AFF3: variants seen among roughly 807,000 people sequenced by gnomAD.
AFF3 encodes the protein AF4/FMR2 family member 3.
Under a neutral mutation model 129.7 loss-of-function variants are expected in AFF3, and 32 were observed. The ratio of observed to expected loss-of-function variants is 0.25; its 90% confidence interval spans 0.19 to 0.33. The LOEUF is 0.33. Ranked by LOEUF, AFF3 falls within the 10% of genes least tolerant of loss-of-function variation. AFF3 has a pLI of 1.00. For missense variants in AFF3, 1,373 were observed against 1,592.0 expected (o/e 0.86, Z 2.34); for synonymous variants, 644 against 635.4 (o/e 1.01, Z -0.20).
intron 4 of AFF3, among the ~76,000 whole-genome samples, chr2:100,071,382 T>C (rs995824976): frequency 1.7e-4 from 26 of 152,336 alleles, no homozygotes; most frequent in African/African-American, 6.3e-4. Flanking sequence ...GAGCTTTTTA[T>C]GTGAATAGCA....
chr2:99,808,558 C>A (rs1686535076), intron 8 of AFF3, among the ~76,000 whole-genome samples: 1 of 152,124 alleles, frequency 6.6e-6, no homozygotes, highest in African/African-American at 2.4e-5. Context: ...CTGCCCCTCC[C>A]CCTCCTCTGA....
chr2:100,007,311 G>A lies in AFF3; in HGVS notation c.324C>T (p.Ile108=), dbSNP rs141695864. 1.5e-3 allele frequency: 2,468 copies of A among 1,614,068 alleles called. 6 individuals are homozygous for A. Among genetic ancestry groups the A allele is most frequent in the Non-Finnish European group, 1.9e-3 (2,248 of 1,180,014 alleles). ...TTGAATCTGCAACAAAATGTTCATC[G>A]ATCTTGTTCACAGGAGTCTGAGGAA... The part of the protein sequence containing the change: ...PGVPQTPVNK[I]DEHFVADSRA... Residue 108 remains isoleucine, a synonymous_variant, in exon 6 of 25, where the codon ATC becomes ATT. Coordinates refer to ENST00000672756, the MANE Select transcript of AFF3 (RefSeq NM_001386135.1).
At chr2:99,784,132 G>C (rs1021219640) in intron 8 of AFF3, among the ~76,000 whole-genome samples, 2 of 152,192 alleles carry the variant, frequency 1.3e-5, no homozygotes, top group African/African-American at 2.4e-5. Context: ...TGATTAGCAG[G>C]GGGGTTAAGA....
intron 8 of AFF3, among the ~76,000 whole-genome samples, chr2:99,815,145 C>CA (rs34586700): frequency 0.88 from 133,794 of 152,096 alleles, 58,990 homozygotes; most frequent in African/African-American, 0.95. Flanking sequence ...AAGTAGCCCA[C>CA]AAAAAAGGTC....
chr2:99,854,453 T>G (rs1690377712), intron 7 of AFF3, among the ~76,000 whole-genome samples: 2 of 152,190 alleles, frequency 1.3e-5, no homozygotes, highest in African/African-American at 4.8e-5. Context: ...TTAAATCTCA[T>G]GCAGCCAAAA....
chr2:99,926,589 G>A (rs1696257576), intron 7 of AFF3, among the ~76,000 whole-genome samples: 1 of 152,078 alleles, frequency 6.6e-6, no homozygotes, highest in African/African-American at 2.4e-5. Flanking sequence ...GGAGCCTCAG[G>A]GACAATTTCA....
chr2:99,861,664 T>C (rs1371795485), intron 7 of AFF3, among the ~76,000 whole-genome samples: 1 of 152,146 alleles, frequency 6.6e-6, no homozygotes, highest in Non-Finnish European at 1.5e-5. Context: ...GCATCATACA[T>C]AACAAAAGAA....
chr2:100,085,375 C>T (rs1463825592), intron 4 of AFF3, among the ~76,000 whole-genome samples: 3 of 151,520 alleles, frequency 2.0e-5, no homozygotes, highest in African/African-American at 7.3e-5. Flanking sequence ...CTAACTGCAC[C>T]CCTGTCCCCA....
chr2:99,774,972 C>T (rs1022760659), intron 8 of AFF3, among the ~76,000 whole-genome samples: 5 of 152,192 alleles, frequency 3.3e-5, no homozygotes, highest in Non-Finnish European at 5.9e-5. Flanking sequence ...ATACATGCAG[C>T]CAACAAACAC....
At chr2:100,016,543 TAGC>T (rs1683100529) in intron 4 of AFF3, among the ~76,000 whole-genome samples, 1 of 150,438 alleles carries the variant, frequency 6.6e-6, no homozygotes, top group African/African-American at 2.5e-5. Context: ...GTGATGGTGG[TAGC>T]GATGGTGATA....
chr2:99,947,637 T>TAGACAGAC (rs1229518187), intron 7 of AFF3, among the ~76,000 whole-genome samples: 9 of 143,638 alleles, frequency 6.3e-5, no homozygotes, highest in African/African-American at 2.4e-4. Context: ...GATAGATAGA[T>TAGACAGAC]AGATAGATAG....
chr2:99,644,824 C>T (rs1050814733), intron 13 of AFF3, among the ~76,000 whole-genome samples: 9 of 152,210 alleles, frequency 5.9e-5, no homozygotes, highest in East Asian at 3.8e-4. Flanking sequence ...TCCACATTGG[C>T]GGTGATGTGG....
intron 13 of AFF3, among the ~76,000 whole-genome samples, chr2:99,607,401 G>T (rs1011880975): frequency 1.3e-5 from 2 of 151,780 alleles, no homozygotes; most frequent in African/African-American, 4.8e-5. Context: ...GTGTGGTGGT[G>T]GGCGCCTATA....
At chr2:99,836,520 T>C (rs1261842741) in intron 8 of AFF3, among the ~76,000 whole-genome samples, 1 of 152,184 alleles carries the variant, frequency 6.6e-6, no homozygotes, top group Non-Finnish European at 1.5e-5. Flanking sequence ...CAATTAGTTA[T>C]TCTGGTCAAC....
chr2:99,757,859 C>T (rs1682250665), intron 8 of AFF3, among the ~76,000 whole-genome samples: 1 of 152,232 alleles, frequency 6.6e-6, no homozygotes, highest in South Asian at 2.1e-4. Context: ...CAAACCAAGC[C>T]ACCGTTGACT....
At chr2:100,016,770 A>ATGG (rs960749298) in intron 4 of AFF3, among the ~76,000 whole-genome samples, 1 of 145,244 alleles carries the variant, frequency 6.9e-6, no homozygotes, top group Admixed American at 6.8e-5. Flanking sequence ...AGTAGTAGTG[A>ATGG]TGGTGGTGGT....
intron 8 of AFF3, among the ~76,000 whole-genome samples, chr2:99,789,695 C>CA (rs945014932): frequency 2.0e-5 from 3 of 152,114 alleles, no homozygotes; most frequent in Non-Finnish European, 4.4e-5. Context: ...ACATCAAGAA[C>CA]AGGTCATGTC....
chr2:99,558,600 A>G (rs1675171392), intron 22 of AFF3, among the ~76,000 whole-genome samples: 1 of 152,214 alleles, frequency 6.6e-6, no homozygotes, highest in African/African-American at 2.4e-5. Flanking sequence ...AGCCTGGGCA[A>G]CAAAGAGTGA....
intron 13 of AFF3, among the ~76,000 whole-genome samples, chr2:99,628,472 G>T (rs1456070207): frequency 2.6e-5 from 4 of 152,150 alleles, no homozygotes; most frequent in Middle Eastern, 3.4e-3. Flanking sequence ...AGACAATGGG[G>T]GTTTTCTAGA....
Sources: allele counts gnomAD v4.1 joint callset (sites outside exome capture counted in the v4.1 genomes callset), GRCh38; gene constraint gnomAD v4.1.1; transcripts MANE v1.5; gene names NCBI Gene and HGNC (gene_info 2026-07-23, HGNC 2026-07-21).